The following CACNA1C variants were observed in gnomAD, a reference collection of about 807,000 sequenced individuals.
The protein encoded by CACNA1C is calcium voltage-gated channel subunit alpha1 C.
Under a neutral mutation model 229.0 loss-of-function variants are expected in CACNA1C, and 30 were observed. The ratio of observed to expected loss-of-function variants is 0.13; its 90% CI spans 0.10 to 0.18. The LOEUF (loss-of-function observed/expected upper bound fraction) is 0.18, where lower values mean the gene tolerates loss of function less well. CACNA1C is among the 10% of genes least tolerant of loss of function. The probability of loss-of-function intolerance (pLI) is 1.00; values close to 1 mark genes in which losing one functional copy is unlikely to be tolerated. For synonymous variants in CACNA1C, 1,114 were observed against 1,132.5 expected, an observed-to-expected ratio of 0.98 and a Z score of 0.33; for missense variants, 1,658 against 2,845.0, an observed-to-expected ratio of 0.58 and a Z score of 9.49.
At chr12:2,540,536 C>A (rs568976391) in intron 9 of CACNA1C, among the ~76,000 whole-genome samples, 1 of 152,268 alleles carries the variant, frequency 6.6e-6, no homozygotes, top group South Asian at 2.1e-4. Flanking sequence ...CACAGAGCCT[C>A]TACCGAAACT....
intron 3 of CACNA1C, among the ~76,000 whole-genome samples, chr12:2,148,902 C>T (rs985378270): frequency 2.0e-5 from 3 of 152,140 alleles, no homozygotes; most frequent in Non-Finnish European, 4.4e-5. Context: ...GGCAGCCTGG[C>T]GGGTGGCCCT....
At chr12:2,020,415 C>G (rs532356494) in intron 1 of CACNA1C, 1 of 152,328 alleles carries the variant, frequency 6.6e-6, no homozygotes, top group South Asian at 2.1e-4. Context: ...GCCTTGCACC[C>G]TTAGCTCTGG....
intron 11 of CACNA1C, among the ~76,000 whole-genome samples, chr12:2,564,474 C>T (rs1349045953): frequency 6.6e-6 from 1 of 152,176 alleles, no homozygotes; most frequent in Admixed American, 6.5e-5. Context: ...GTTTCTCCTC[C>T]TGCCTTCATT....
chr12:2,321,732 T>C (rs2096009042), intron 3 of CACNA1C, among the ~76,000 whole-genome samples: 1 of 152,118 alleles, frequency 6.6e-6, no homozygotes, highest in African/African-American at 2.4e-5. Flanking sequence ...GAGCCGAGAC[T>C]TGAATGAGGA....
At chr12:2,509,208 C>T (rs558082238) in intron 8 of CACNA1C, among the ~76,000 whole-genome samples, 1 of 152,230 alleles carries the variant, frequency 6.6e-6, no homozygotes, top group East Asian at 1.9e-4. Context: ...GGACCATGGC[C>T]CACAGTTAAG....
chr12:2,087,633 A>G (rs2068225532), intron 1 of CACNA1C, among the ~76,000 whole-genome samples: 1 of 152,240 alleles, frequency 6.6e-6, no homozygotes, highest in Non-Finnish European at 1.5e-5. Context: ...AAAGAAAAAA[A>G]TCATAAATTC....
intron 3 of CACNA1C, among the ~76,000 whole-genome samples, chr12:2,305,957 T>C (rs1262526520): frequency 6.6e-6 from 1 of 152,252 alleles, no homozygotes; most frequent in African/African-American, 2.4e-5. Flanking sequence ...ATTACTCATA[T>C]TAGCTCATGT....
chr12:2,292,049 C>A (rs1344786614), intron 3 of CACNA1C, among the ~76,000 whole-genome samples: 1 of 152,190 alleles, frequency 6.6e-6, no homozygotes, highest in Non-Finnish European at 1.5e-5. Flanking sequence ...TCAGTGAGAC[C>A]AGCAGGAGGA....
intron 18 of CACNA1C, among the ~76,000 whole-genome samples, chr12:2,588,376 C>G (rs561782182): frequency 2.0e-5 from 3 of 152,202 alleles, no homozygotes; most frequent in Non-Finnish European, 4.4e-5. Context: ...GAGAAAGGGC[C>G]GGTGTCAGGG....
intron 29 of CACNA1C, among the ~76,000 whole-genome samples, chr12:2,626,289 G>A (rs2086483171): frequency 1.3e-5 from 2 of 152,226 alleles, no homozygotes; most frequent in Admixed American, 1.3e-4. Flanking sequence ...GGAGTGACAG[G>A]ATGGGCTGTG....
At chr12:1,993,171 C>A in intron 1 of CACNA1C, 2 of 1,563,806 alleles carry the variant, frequency 1.3e-6, no homozygotes, top group Non-Finnish European at 1.8e-6. Flanking sequence ...GCCACTGATA[C>A]CAAATGCAAA....
intron 4 of CACNA1C, among the ~76,000 whole-genome samples, chr12:2,450,553 C>CAAAAAAAAAAAAAAAAA (rs796416420): frequency 2.6e-5 from 1 of 39,016 alleles, no homozygotes; most frequent in African/African-American, 8.4e-5. Context: ...GACTCCATCT[C>CAAAAAAAAAAAAAAAAA]AAAAAAAAAA....
chr12:2,332,746 T>C (rs898018289), intron 3 of CACNA1C, among the ~76,000 whole-genome samples: 15 of 152,220 alleles, frequency 9.9e-5, no homozygotes, highest in Non-Finnish European at 2.1e-4. Context: ...GACAGCATGC[T>C]TACCTTATCA....
chr12:1,999,212 T>G (rs919087705), intron 1 of CACNA1C, among the ~76,000 whole-genome samples: 4 of 152,226 alleles, frequency 2.6e-5, no homozygotes, highest in Non-Finnish European at 5.9e-5. Context: ...GATTCTGATG[T>G]ATGCTAGTTT....
At chr12:2,279,943 A>G (rs2090473415) in intron 3 of CACNA1C, among the ~76,000 whole-genome samples, 1 of 152,234 alleles carries the variant, frequency 6.6e-6, no homozygotes, top group African/African-American at 2.4e-5. Context: ...GTGTCCTAGA[A>G]TCAATCCCCT....
chr12:2,604,042 A>AAG (rs2074101784), intron 22 of CACNA1C, among the ~76,000 whole-genome samples: 1 of 151,794 alleles, frequency 6.6e-6, no homozygotes, highest in South Asian at 2.1e-4. Flanking sequence ...GGGTCGGGGC[A>AAG]GGATCCCGTC....
chr12:2,312,029 C>A (rs935382985), intron 3 of CACNA1C, among the ~76,000 whole-genome samples: 1 of 152,158 alleles, frequency 6.6e-6, no homozygotes, highest in African/African-American at 2.4e-5. Flanking sequence ...TTTATTTCCC[C>A]CACGTAATAC....
At chr12:2,250,272 C>T (rs2154384345) in intron 3 of CACNA1C, among the ~76,000 whole-genome samples, 1 of 152,318 alleles carries the variant, frequency 6.6e-6, no homozygotes, top group South Asian at 2.1e-4. Context: ...CAGGAAGAGA[C>T]ATTTCCAACC....
chr12:2,166,408 G>T (rs1425977982), intron 3 of CACNA1C, among the ~76,000 whole-genome samples: 1 of 152,142 alleles, frequency 6.6e-6, no homozygotes, highest in East Asian at 1.9e-4. Context: ...TATAGCCTTG[G>T]GCGTTTATTA....
Sources: gnomAD v4.1 joint callset for allele counts (sites outside exome capture counted in the v4.1 genomes callset) on GRCh38, gnomAD v4.1.1 for gene constraint, MANE v1.5 for transcripts, NCBI Gene and HGNC (gene_info 2026-07-23, HGNC 2026-07-21) for gene names.